Variants in SMS observed in about 807,000 individuals in gnomAD.
SMS encodes spermidine aminopropyltransferase.
Under a neutral mutation model 33.0 loss-of-function variants are expected in SMS, and 3 were observed. That is an observed-to-expected ratio of 0.09 (90% CI 0.04 to 0.23). The LOEUF is 0.23. Ranked by LOEUF, SMS falls within the 10% of genes least tolerant of loss-of-function variation. The probability of loss-of-function intolerance (pLI) is 1.00; values close to 1 mark genes in which losing one functional copy is unlikely to be tolerated. For synonymous variants in SMS, 103 were observed against 112.2 expected, an observed-to-expected ratio of 0.92 and a Z score of 0.52; for missense variants, 117 against 288.6, an observed-to-expected ratio of 0.41 and a Z score of 4.31.
chrX:21,986,347 CAAAAAAAAAAAAAAAAA>C (rs57792709), intron 9 of SMS, among the ~76,000 whole-genome samples: 1 of 33,223 alleles, frequency 3.0e-5, no homozygotes, highest in African/African-American at 1.3e-4. Flanking sequence ...GACTACATCT[CAAAAAAAAAAAAAAAAA>C]AAAAAAAAAA....
intron 1 of SMS, among the ~76,000 whole-genome samples, chrX:21,959,672 T>C (rs1012505649): frequency 8.9e-6 from 1 of 112,832 alleles, no homozygotes; most frequent in South Asian, 3.6e-4. Flanking sequence ...TCAAATTGGA[T>C]TGGAATCCAG....
At chrX:21,993,997 C>T (rs763076500) in intron 10 of SMS, among the ~76,000 whole-genome samples, 2 of 108,401 alleles carry the variant, frequency 1.8e-5, no homozygotes, top group East Asian at 5.8e-4. Flanking sequence ...CTCCTTTCCC[C>T]CTTCCTTCCT....
At chrX:21,989,312 T>C (rs867579192) in intron 9 of SMS, among the ~76,000 whole-genome samples, 3 of 110,862 alleles carry the variant, frequency 2.7e-5, no homozygotes, top group Non-Finnish European at 5.7e-5. Context: ...ACACCTAACA[T>C]GGGGAAAAGA....
chrX:21,949,038 C>T (rs1922431277), intron 1 of SMS, among the ~76,000 whole-genome samples: 1 of 111,940 alleles, frequency 8.9e-6, no homozygotes, highest in African/African-American at 3.3e-5. Context: ...TGTGGTGGGC[C>T]TGGGTTTCAT....
intron 8 of SMS, 51 bp from the exon 9 acceptor site, chrX:21,985,093 G>T (rs1446542885): frequency 1.3e-5 from 10 of 777,748 alleles, no homozygotes; most frequent in Non-Finnish European, 1.8e-5. Context: ...TTCAGATGTT[G>T]TGGATACATA....
intron 1 of SMS, among the ~76,000 whole-genome samples, chrX:21,944,016 A>T: frequency 9.0e-6 from 1 of 111,211 alleles, no homozygotes; most frequent in Middle Eastern, 4.6e-3. Flanking sequence ...CTAATGTTCC[A>T]GTTCCATGAT....
At chrX:21,976,958 A>G (rs772255753) in intron 4 of SMS, 103 bp from the exon 5 acceptor site, 22 of 785,253 alleles carry the variant, frequency 2.8e-5, no homozygotes, top group East Asian at 2.5e-4. Context: ...GTGCTTGTCA[A>G]AAGTCGGCAG....
At chrX:21,966,122 A>G (rs1321335108) in intron 1 of SMS, among the ~76,000 whole-genome samples, 1 of 112,293 alleles carries the variant, frequency 8.9e-6, no homozygotes, top group African/African-American at 3.2e-5. Context: ...TCCCAGTTCT[A>G]GTTTCGGCAC....
At chrX:21,974,045 C>T (rs1200074772) in intron 4 of SMS, among the ~76,000 whole-genome samples, 1 of 112,673 alleles carries the variant, frequency 8.9e-6, no homozygotes, top group Admixed American at 9.3e-5. Context: ...CTGTCCCTTG[C>T]TCATAAAATT....
At chrX:21,973,401 C>T (rs773958473) in intron 4 of SMS, among the ~76,000 whole-genome samples, 6 of 112,896 alleles carry the variant, frequency 5.3e-5, no homozygotes, top group South Asian at 7.3e-4. Flanking sequence ...CGCACCACTG[C>T]GCTCCATCCT....
chrX:21,945,633 G>GC (rs1569340036), intron 1 of SMS, among the ~76,000 whole-genome samples: 25 of 49,705 alleles, frequency 5.0e-4, no homozygotes, highest in African/African-American at 2.1e-3. Context: ...TTTGCTTCCC[G>GC]TCCCCCCCCC....
At chrX:21,986,951 A>G (rs1414832243) in intron 9 of SMS, among the ~76,000 whole-genome samples, 3 of 110,693 alleles carry the variant, frequency 2.7e-5, no homozygotes, top group Non-Finnish European at 5.7e-5. Flanking sequence ...AACCTGCTCA[A>G]ATGAAGCTTT....
chrX:21,978,181 C>G, intron 6 of SMS, 67 bp downstream of exon 6: 1 of 1,047,918 alleles, frequency 9.5e-7, no homozygotes. Flanking sequence ...CAGTGTCTCA[C>G]AACTCAAATT....
At chrX:21,979,400 G>T (rs1924761395) in intron 7 of SMS, among the ~76,000 whole-genome samples, 1 of 106,862 alleles carries the variant, frequency 9.4e-6, no homozygotes. Context: ...TCCCCTCCCT[G>T]TGTCCATGTG....
rs192681438 is a variant in SMS at position 21,967,576 on chromosome X, G to A, written c.170+260G>A. On this transcript the variant is annotated intron_variant, in intron 2 of 10. Transcript: ENST00000404933. ...GTTTCCCAGACAAGTTTTTTGTTAA[G>A]ACTGATGCCCAGAGTGGGCATAAGG... Among the ~76,000 whole-genome samples, 6 of 111,850 alleles carry A rather than the reference G, an allele frequency of 5.4e-5. No individual in the cohort carries two copies. The East Asian group carries it at 1.4e-3, about 26-fold the overall frequency.
chrX:21,946,144 G>C (rs1347629059), intron 1 of SMS, among the ~76,000 whole-genome samples: 1 of 112,357 alleles, frequency 8.9e-6, no homozygotes, highest in African/African-American at 3.2e-5. Context: ...AAATAAGTCT[G>C]TGTGTTTTTT....
In SMS at chrX:21,967,268, C is replaced by G; in HGVS notation, c.122C>G (p.Thr41Ser). The change falls in exon 2 of 11, where the codon ACC (threonine) becomes AGC (serine). Residue 41 changes from threonine (T) to serine (S), a missense_variant. By Grantham distance (58) the Thr-to-Ser change is moderately conservative (BLOSUM62 1). Coordinates refer to ENST00000404933, the MANE Select transcript of SMS (RefSeq NM_004595.5). The stretch of plus-strand genomic sequence containing the variant: ...CAGGGGATGGCGGAGTCGGTGCACA[C>G]CTGGCAGGACCATGGCTATTTAGCA... Reference protein sequence around the residue: ...QEQGMAESVHTWQDHGYLATY... With the variant: ...QEQGMAESVHSWQDHGYLATY... The G allele has an allele frequency of 1.8e-5, 22 of 1,209,218 alleles. No homozygotes were observed. The highest frequency in any genetic ancestry group is 2.3e-5 in the Non-Finnish European group (21 of 894,358).
chrX:21,950,197 C>CT (rs1451974521), intron 1 of SMS, among the ~76,000 whole-genome samples: 1 of 111,407 alleles, frequency 9.0e-6, no homozygotes, highest in Non-Finnish European at 1.9e-5. Context: ...ACTGCAGTAC[C>CT]TGGCTGAAGT....
chrX:21,942,383 T>C (rs761647966), intron 1 of SMS, among the ~76,000 whole-genome samples: 2 of 110,690 alleles, frequency 1.8e-5, no homozygotes, highest in South Asian at 7.7e-4. Context: ...GGGTTTATGT[T>C]AACCTTTCTG....
Sources: gnomAD v4.1 joint callset for allele counts (sites outside exome capture counted in the v4.1 genomes callset) on GRCh38, gnomAD v4.1.1 for gene constraint, MANE v1.5 for transcripts, NCBI Gene and HGNC (gene_info 2026-07-23, HGNC 2026-07-21) for gene names.